EFCAB3: variants seen among roughly 807,000 people sequenced by gnomAD.
EFCAB3 encodes the protein EF-hand calcium-binding domain-containing protein 3.
EFCAB3 carries 36 observed loss-of-function variants against 42.2 expected under a neutral mutation model. The ratio of observed to expected loss-of-function variants is 0.85; its 90% confidence interval spans 0.65 to 1.13. The LOEUF is 1.13. Among genes scored for constraint, EFCAB3 ranks in the 50% most tolerant of loss-of-function variants. EFCAB3 has a pLI of 0.00. For missense variants in EFCAB3, 418 were observed against 505.1 expected (o/e 0.83, Z 1.65); for synonymous variants, 170 against 172.8 (o/e 0.98, Z 0.13).
chr17:62,381,162 C>A (rs2070194435), intron 1 of EFCAB3, among the ~76,000 whole-genome samples: 1 of 117,378 alleles, frequency 8.5e-6, no homozygotes, highest in Admixed American at 1.1e-4. Flanking sequence ...CCCCACCCCA[C>A]AACAGGCCCC....
intron 6 of EFCAB3, among the ~76,000 whole-genome samples, chr17:62,396,982 A>G (rs972885951): frequency 6.6e-6 from 1 of 152,164 alleles, no homozygotes; most frequent in Admixed American, 6.5e-5. Flanking sequence ...CTCCCACTTT[A>G]CAGATGAAAA....
intron 1 of EFCAB3, chr17:62,382,099 AC>A (rs1389963191): frequency 1.1e-5 from 2 of 175,252 alleles, no homozygotes; most frequent in South Asian, 1.4e-4. Context: ...CCAAGAAGTG[AC>A]AGGGCAGGGA....
At chr17:62,378,128 C>T (rs2070164934), upstream of EFCAB3, 2 of 867,692 alleles carry the variant, frequency 2.3e-6, no homozygotes, top group Non-Finnish European at 1.7e-6. Context: ...AGTTTCTATC[C>T]TCCATCTACT....
Position 62,387,436 on chromosome 17 carries a change from A to G in EFCAB3, c.151+20A>G, listed in dbSNP as rs2070262546. The G allele has an allele frequency of 1.9e-6, 3 of 1,594,958 alleles. No homozygotes were observed. Among genetic ancestry groups the G allele is most frequent in the African/African-American group, 2.7e-5 (2 of 73,042 alleles). ...TGGCAGGTAATGAGAATCATCCTCA[A>G]AATTGAAGCATAACAGCTCCTTAAT... On this transcript the variant is annotated intron_variant, in intron 3 of 9. Transcript: ENST00000305286.
chr17:62,388,100 T>C (rs2070270535), intron 3 of EFCAB3, among the ~76,000 whole-genome samples: 1 of 151,922 alleles, frequency 6.6e-6, no homozygotes, highest in South Asian at 2.1e-4. Flanking sequence ...ATCCCAGCTA[T>C]TTGGGAGGCT....
chr17:62,386,296 G>A (rs1429082598), intron 2 of EFCAB3, among the ~76,000 whole-genome samples: 1 of 152,080 alleles, frequency 6.6e-6, no homozygotes, highest in Non-Finnish European at 1.5e-5. Context: ...TATCTTGAAA[G>A]TATTAATATG....
chr17:62,393,529 A>C (rs934083840), intron 4 of EFCAB3, 44 bp from the exon 5 acceptor site: 2 of 1,448,516 alleles, frequency 1.4e-6, no homozygotes, highest in Admixed American at 1.7e-5. Flanking sequence ...CTGATAATTA[A>C]AATACATCTT....
At chr17:62,387,863 A>G (rs372392762) in intron 3 of EFCAB3, among the ~76,000 whole-genome samples, 93 of 152,300 alleles carry the variant, frequency 6.1e-4, no homozygotes, top group Middle Eastern at 6.8e-3. Context: ...AACAAGTCAG[A>G]TGTGGTCCCT....
chr17:62,370,353 T>G, intron 1 of EFCAB3: 2 of 1,550,462 alleles, frequency 1.3e-6, no homozygotes, highest in East Asian at 2.4e-5. Context: ...TTATGTTACC[T>G]TCTTAGAAGT....
intron 8 of EFCAB3, among the ~76,000 whole-genome samples, chr17:62,412,306 G>A (rs1272932268): frequency 8.3e-5 from 12 of 144,254 alleles, no homozygotes; most frequent in Admixed American, 5.6e-4. Flanking sequence ...AACCCGGGAG[G>A]CAAAGGTTGC....
In EFCAB3 at chr17:62,416,390, T is replaced by C; in HGVS notation, c.*61T>C. On this transcript the variant is annotated 3_prime_UTR_variant, in exon 10 of 10. Transcript: ENST00000305286. The stretch of plus-strand genomic sequence containing the variant: ...ACTTTTTCATAGTTATCAAAATTAT[T>C]GTTTCTTGCTTTTGTCTAAGTACAT... 7.7e-7 allele frequency: 1 copy of C among 1,304,246 alleles called. No individual in the cohort carries two copies. The allele number at this position is 1,304,246 out of a possible 1,614,324, so 80.8% of individuals were successfully genotyped here. A position where few individuals can be genotyped will look rare whatever the true frequency, so the allele number is the denominator to read the frequency against.
At chr17:62,402,862 T>C (rs2070415775) in intron 6 of EFCAB3, among the ~76,000 whole-genome samples, 1 of 152,232 alleles carries the variant, frequency 6.6e-6, no homozygotes. Context: ...TTCAGAAGAA[T>C]GGTACCAGCT....
intron 8 of EFCAB3, among the ~76,000 whole-genome samples, chr17:62,407,459 T>G (rs2070458276): frequency 6.6e-6 from 1 of 152,050 alleles, no homozygotes; most frequent in Non-Finnish European, 1.5e-5. Context: ...AACAATAAAA[T>G]TTTCTCCAAT....
chr17:62,414,951 A>T (rs1391400205), intron 9 of EFCAB3, among the ~76,000 whole-genome samples: 2 of 151,950 alleles, frequency 1.3e-5, no homozygotes, highest in South Asian at 4.2e-4. Context: ...TAAAAATACA[A>T]AAATTAGCTG....
At chr17:62,371,114 A>G (rs77066650) in intron 1 of EFCAB3, among the ~76,000 whole-genome samples, 1 of 144,654 alleles carries the variant, frequency 6.9e-6, no homozygotes, top group Non-Finnish European at 1.5e-5. Context: ...AAAAAAAAAA[A>G]GAGCAGATTT....
chr17:62,373,384 G>A (rs192248469), intron 1 of EFCAB3, among the ~76,000 whole-genome samples: 248 of 152,084 alleles, frequency 1.6e-3, no homozygotes, highest in African/African-American at 5.6e-3. Context: ...AGGCCAAGGC[G>A]TGAGGATCAC....
At chr17:62,410,584 T>G (rs1435495406) in intron 8 of EFCAB3, among the ~76,000 whole-genome samples, 1 of 151,920 alleles carries the variant, frequency 6.6e-6, no homozygotes, top group Non-Finnish European at 1.5e-5. Context: ...TAAAATTCTG[T>G]CTCTACAAAA....
intron 2 of EFCAB3, 49 bp downstream of exon 2, chr17:62,383,102 A>G (rs1307230289): frequency 4.0e-6 from 6 of 1,515,778 alleles, no homozygotes; most frequent in African/African-American, 1.4e-5. Flanking sequence ...ATAAAGAATT[A>G]TTAGTGTTAC....
At chr17:62,371,361 C>T (rs1239162883) in intron 1 of EFCAB3, among the ~76,000 whole-genome samples, 1 of 151,900 alleles carries the variant, frequency 6.6e-6, no homozygotes, top group Non-Finnish European at 1.5e-5. Context: ...TCGAGACCAG[C>T]CTGACCAACA....
Sources: allele counts gnomAD v4.1 joint callset (sites outside exome capture counted in the v4.1 genomes callset), GRCh38; gene constraint gnomAD v4.1.1; transcripts MANE v1.5; gene names NCBI Gene and HGNC (gene_info 2026-07-23, HGNC 2026-07-21).